Variants in PTPN5 observed in about 807,000 individuals in gnomAD.
PTPN5 encodes tyrosine-protein phosphatase non-receptor type 5.
In PTPN5, 29 loss-of-function variants were observed where a neutral mutation model predicts 73.9. The ratio of observed to expected loss-of-function variants is 0.39; its 90% CI spans 0.29 to 0.54. PTPN5 has a LOEUF of 0.54. PTPN5 is among the 20% of genes least tolerant of loss of function. The pLI is 0.65. For missense variants in PTPN5, 652 were observed against 751.4 expected, an observed-to-expected ratio of 0.87 and a Z score of 1.55; for synonymous variants, 267 against 304.7, an observed-to-expected ratio of 0.88 and a Z score of 1.29.
At chr11:18,752,809 C>G (rs1849952354) in intron 3 of PTPN5, among the ~76,000 whole-genome samples, 1 of 152,208 alleles carries the variant, frequency 6.6e-6, no homozygotes. Flanking sequence ...GGCCCTGCGG[C>G]AGGGAGGTAC....
At chr11:18,731,183 T>G (rs566325721) in intron 12 of PTPN5, among the ~76,000 whole-genome samples, 2 of 147,752 alleles carry the variant, frequency 1.4e-5, no homozygotes, top group East Asian at 3.9e-4. Flanking sequence ...ATTTTATATA[T>G]TATATATTTA....
intron 7 of PTPN5, among the ~76,000 whole-genome samples, chr11:18,741,599 TG>T (rs775150026): frequency 2.6e-5 from 4 of 151,186 alleles, no homozygotes; most frequent in Admixed American, 6.6e-5. Flanking sequence ...GAAACGAGGG[TG>T]TCTACACTTC....
At chr11:18,760,775 T>C (rs1850350246) in intron 3 of PTPN5, among the ~76,000 whole-genome samples, 1 of 152,230 alleles carries the variant, frequency 6.6e-6, no homozygotes, top group Non-Finnish European at 1.5e-5. Context: ...CCGTCTCTTC[T>C]GTCCATGGCA....
intron 4 of PTPN5, chr11:18,743,780 G>A: frequency 1.7e-6 from 1 of 591,050 alleles, no homozygotes; most frequent in Non-Finnish European, 2.9e-6. Context: ...CTGTGTTCTG[G>A]ATTCTTAGGT....
chr11:18,760,816 C>T (rs1049644906), intron 3 of PTPN5, among the ~76,000 whole-genome samples: 5 of 152,256 alleles, frequency 3.3e-5, no homozygotes, highest in African/African-American at 9.6e-5. Context: ...CCATAGGGCT[C>T]AGGAGATATA....
rs757891508 is a variant in PTPN5 at position 18,740,824 on chromosome 11, C to T, written c.726-32G>A. The stretch of plus-strand genomic sequence containing the variant: ...GGACCAGGAAAGGGAGTGTGAGCCT[C>T]AGGGGCAGAGGGACGGGCATGAGCT... On this transcript the variant is annotated intron_variant, in intron 7 of 14. Transcript: ENST00000358540. 3 of 1,426,392 alleles carry T rather than the reference C, an allele frequency of 2.1e-6. No individual in the cohort carries two copies. In the South Asian group the frequency reaches 4.8e-5, roughly 23 times the overall value. 88.4% of individuals were successfully genotyped at this position (1,426,392 alleles called of 1,614,324 possible). A position where few individuals can be genotyped will look rare whatever the true frequency, so the allele number is the denominator to read the frequency against.
At chr11:18,786,539 G>C (rs545089281) in intron 1 of PTPN5, among the ~76,000 whole-genome samples, 1 of 152,202 alleles carries the variant, frequency 6.6e-6, no homozygotes, top group Non-Finnish European at 1.5e-5. Flanking sequence ...AATCCCCTAA[G>C]ATAAGGAAGA....
In PTPN5 at chr11:18,784,693, CCAAA is replaced by C. The variant is rs1291785695; in HGVS notation, c.-114+6828_-114+6831del. On this transcript the variant is annotated intron_variant, in intron 1 of 14. Coordinates refer to ENST00000358540, the MANE Select transcript of PTPN5 (RefSeq NM_006906.2). Reference sequence around the variant, plus strand: ...CACAATTTAATAAAAGCCTCCCACACCAAACAAACAAAACACTGGAAGGACAGAC... The same window carrying C: ...CACAATTTAATAAAAGCCTCCCACACCAAACAAAACACTGGAAGGACAGAC... 4.6e-5 allele frequency among the ~76,000 whole-genome samples: 7 copies of C among 152,188 alleles called. No homozygotes were observed. In the East Asian group the frequency reaches 1.4e-3, roughly 29 times the overall value.
At chr11:18,759,580 A>G (rs532787526) in intron 3 of PTPN5, among the ~76,000 whole-genome samples, 1 of 152,240 alleles carries the variant, frequency 6.6e-6, no homozygotes, top group African/African-American at 2.4e-5. Context: ...CTGCCCAGTT[A>G]GTGTTCTTAG....
At chr11:18,762,821 G>A (rs1850459920) in intron 3 of PTPN5, among the ~76,000 whole-genome samples, 1 of 152,190 alleles carries the variant, frequency 6.6e-6, no homozygotes, top group Admixed American at 6.5e-5. Context: ...TCAGTAGCTT[G>A]TCCATGATCA....
At chr11:18,757,306 T>A (rs1850200909) in intron 3 of PTPN5, among the ~76,000 whole-genome samples, 1 of 152,190 alleles carries the variant, frequency 6.6e-6, no homozygotes, top group South Asian at 2.1e-4. Flanking sequence ...TCCAAGCCCA[T>A]CAGTGAAAGG....
intron 3 of PTPN5, among the ~76,000 whole-genome samples, chr11:18,754,520 G>A (rs902394237): frequency 1.3e-5 from 2 of 152,122 alleles, no homozygotes; most frequent in Non-Finnish European, 2.9e-5. Context: ...AAGATCCCTA[G>A]GGTTGGGTCA....
chr11:18,736,709 G>A (rs577708171), intron 9 of PTPN5, among the ~76,000 whole-genome samples: 1 of 152,200 alleles, frequency 6.6e-6, no homozygotes, highest in African/African-American at 2.4e-5. Context: ...TGGAGGCTCA[G>A]GGCATGGTTG....
rs140678625 is a variant in PTPN5, at chr11:18,745,523, T to G, written c.98-1324A>C. ...CTGTTCTCTCTGCCTGGAACATCCCTCCAACACTCTGTTCCCCTCCCCTGC... is the reference window on the plus strand; with the variant it reads ...CTGTTCTCTCTGCCTGGAACATCCCGCCAACACTCTGTTCCCCTCCCCTGC... On this transcript the variant is annotated intron_variant, in intron 3 of 14. Coordinates refer to ENST00000358540, the MANE Select transcript of PTPN5 (RefSeq NM_006906.2). Among the ~76,000 whole-genome samples, 495 of 152,182 alleles carry G rather than the reference T, an allele frequency of 3.3e-3. 2 individuals are homozygous for G. The highest frequency in any genetic ancestry group is 0.02 in the Middle Eastern group (6 of 294).
At chr11:18,740,538 C>A in intron 8 of PTPN5, 65 bp downstream of exon 8, 1 of 1,343,948 alleles carries the variant, frequency 7.4e-7, no homozygotes, top group Non-Finnish European at 9.7e-7. Context: ...CGCTCCACCA[C>A]CTGGGCAGGT....
chr11:18,762,891 T>C (rs957266013), intron 3 of PTPN5, among the ~76,000 whole-genome samples: 2 of 152,186 alleles, frequency 1.3e-5, no homozygotes, highest in Non-Finnish European at 2.9e-5. Flanking sequence ...GACTAGCACA[T>C]AATACTGTCC....
intron 1 of PTPN5, among the ~76,000 whole-genome samples, chr11:18,779,312 A>G (rs1851312149): frequency 6.6e-6 from 1 of 151,846 alleles, no homozygotes; most frequent in Non-Finnish European, 1.5e-5. Context: ...AGACACAGCG[A>G]GGCTGGGTTT....
In PTPN5 at chr11:18,732,758, T is replaced by C; in HGVS notation, c.1219-56A>G. On this transcript the variant is annotated intron_variant, in intron 11 of 14. Coordinates refer to ENST00000358540, the MANE Select transcript of PTPN5 (RefSeq NM_006906.2). Reference sequence around the variant, plus strand: ...ATCCTGTTCCCTTCCCACAACTCTCTACACTCTCTTCAGGGCCAGCGGAGA... The same window carrying C: ...ATCCTGTTCCCTTCCCACAACTCTCCACACTCTCTTCAGGGCCAGCGGAGA... 2.1e-6 allele frequency: 3 copies of C among 1,427,868 alleles called. No homozygotes were observed. In the South Asian group the frequency reaches 3.5e-5, roughly 16 times the overall value. 88.4% of individuals were successfully genotyped at this position (1,427,868 alleles called of 1,614,324 possible). A position where few individuals can be genotyped will look rare whatever the true frequency, so the allele number is the denominator to read the frequency against.
rs779068471 is a variant in PTPN5 at position 18,729,965 on chromosome 11, T to A, written c.1330-147A>T. 31 of 1,066,124 alleles carry A rather than the reference T, an allele frequency of 2.9e-5. No homozygotes were observed. Among genetic ancestry groups the A allele is most frequent in the Non-Finnish European group, 3.9e-5 (28 of 717,672 alleles). 66.0% of individuals were successfully genotyped at this position (1,066,124 alleles called of 1,614,324 possible). ...CCTTCACCCTTCCATCTAGGCCACA[T>A]TGCCCAGTGGCACCAGACACAGACC... On this transcript the variant is annotated intron_variant, in intron 12 of 14. Coordinates refer to ENST00000358540, the MANE Select transcript of PTPN5 (RefSeq NM_006906.2). This position sits in a 1 kb window ranked among gnomAD's most constrained non-coding sequence, Gnocchi z 5.2.
Sources: allele counts gnomAD v4.1 joint callset (sites outside exome capture counted in the v4.1 genomes callset), GRCh38; gene constraint gnomAD v4.1.1; non-coding constraint Gnocchi (gnomAD v3.1); transcripts MANE v1.5; gene names NCBI Gene and HGNC (gene_info 2026-07-23, HGNC 2026-07-21).